TAFA1: variants seen among roughly 807,000 people sequenced by gnomAD.
The protein encoded by TAFA1 is chemokine-like protein TAFA-1.
A neutral mutation model predicts 18.5 loss-of-function variants in TAFA1; 4 were observed. The ratio of observed to expected loss-of-function variants is 0.22; its 90% CI spans 0.11 to 0.49. The LOEUF is 0.49. Ranked by LOEUF, TAFA1 falls within the 20% of genes least tolerant of loss-of-function variation. TAFA1 has a pLI of 0.98. For missense variants in TAFA1, 147 were observed against 169.0 expected, an observed-to-expected ratio of 0.87 and a Z score of 0.72; for synonymous variants, 56 against 55.2, an observed-to-expected ratio of 1.01 and a Z score of -0.06.
chr3:68,227,118 G>A (rs758267037), intron 2 of TAFA1, among the ~76,000 whole-genome samples: 3 of 151,868 alleles, frequency 2.0e-5, no homozygotes, highest in Non-Finnish European at 4.4e-5. Context: ...TTACTGGGGT[G>A]GATTCCTTAA....
intron 2 of TAFA1, among the ~76,000 whole-genome samples, chr3:68,227,856 T>C (rs2107108726): frequency 6.6e-6 from 1 of 152,276 alleles, no homozygotes; most frequent in Middle Eastern, 3.4e-3. Context: ...CTACATGTGC[T>C]CCATGGAGCA....
At chr3:68,076,090 T>C (rs2064819937) in intron 2 of TAFA1, among the ~76,000 whole-genome samples, 1 of 152,058 alleles carries the variant, frequency 6.6e-6, no homozygotes, top group African/African-American at 2.4e-5. Flanking sequence ...AGAAATGTGG[T>C]TTTTGTTGGG....
At chr3:68,288,060 G>A (rs1435110413) in intron 2 of TAFA1, among the ~76,000 whole-genome samples, 1 of 152,172 alleles carries the variant, frequency 6.6e-6, no homozygotes, top group South Asian at 2.1e-4. Flanking sequence ...CTTGGGTTCC[G>A]AAGCCTCCTT....
At chr3:68,480,048 G>A (rs1023985287) in intron 3 of TAFA1, among the ~76,000 whole-genome samples, 6 of 152,022 alleles carry the variant, frequency 3.9e-5, no homozygotes, top group Non-Finnish European at 5.9e-5. Context: ...CTCAAAGTGT[G>A]GTTCCATGCA....
At chr3:68,250,828 C>A (rs1377849097) in intron 2 of TAFA1, 1 of 150,674 alleles carries the variant, frequency 6.6e-6, no homozygotes, top group Admixed American at 6.6e-5. Context: ...TCCTGCAGGA[C>A]AAGGATCTAT....
intron 3 of TAFA1, among the ~76,000 whole-genome samples, chr3:68,474,441 C>G (rs1009992382): frequency 5.3e-5 from 8 of 152,134 alleles, no homozygotes; most frequent in African/African-American, 1.9e-4. Flanking sequence ...GCTCTACCAT[C>G]CATAGAAGCA....
intron 2 of TAFA1, among the ~76,000 whole-genome samples, chr3:68,082,371 A>T (rs1314924493): frequency 6.6e-6 from 1 of 151,908 alleles, no homozygotes; most frequent in East Asian, 1.9e-4. Flanking sequence ...TTTATTCCTC[A>T]TTTTTTTCCT....
chr3:68,265,864 G>C (rs928926899), intron 2 of TAFA1, among the ~76,000 whole-genome samples: 3 of 152,090 alleles, frequency 2.0e-5, no homozygotes, highest in African/African-American at 7.2e-5. Context: ...TCTTTCTCTG[G>C]GGCACTGCAC....
chr3:68,339,424 A>G (rs555373564), intron 2 of TAFA1, among the ~76,000 whole-genome samples: 1 of 152,358 alleles, frequency 6.6e-6, no homozygotes, highest in Admixed American at 6.5e-5. Flanking sequence ...TTATGGCAAT[A>G]TGGATAGTAA....
intron 2 of TAFA1, chr3:68,246,686 G>A (rs2067088383): frequency 6.8e-6 from 1 of 146,576 alleles, no homozygotes; most frequent in African/African-American, 2.5e-5. Flanking sequence ...ACGATACAGT[G>A]AAAGAACTCT....
chr3:68,002,262 C>A (rs1404504456), upstream of TAFA1, among the ~76,000 whole-genome samples: 1 of 152,210 alleles, frequency 6.6e-6, no homozygotes, highest in Non-Finnish European at 1.5e-5. Context: ...AATATTCTTG[C>A]TTCATTACAT....
At chr3:68,245,011 A>C (rs2067048353) in intron 2 of TAFA1, among the ~76,000 whole-genome samples, 1 of 152,188 alleles carries the variant, frequency 6.6e-6, no homozygotes, top group Non-Finnish European at 1.5e-5. Context: ...GCTCAGAATT[A>C]AGGCTTTTCA....
chr3:68,385,414 C>G (rs1180725455), intron 2 of TAFA1, among the ~76,000 whole-genome samples: 1 of 152,090 alleles, frequency 6.6e-6, no homozygotes, highest in Non-Finnish European at 1.5e-5. Context: ...GCTAAGAAAA[C>G]AAGACTTCAA....
intron 3 of TAFA1, among the ~76,000 whole-genome samples, chr3:68,445,833 A>T (rs2071466330): frequency 6.6e-6 from 1 of 152,126 alleles, no homozygotes; most frequent in Non-Finnish European, 1.5e-5. Flanking sequence ...CCTAAAGCAG[A>T]AGTTGGGAGA....
At chr3:68,095,311 T>C (rs2106805328) in intron 2 of TAFA1, among the ~76,000 whole-genome samples, 1 of 152,302 alleles carries the variant, frequency 6.6e-6, no homozygotes, top group South Asian at 2.1e-4. Flanking sequence ...TGGTGTCATT[T>C]TAAAAAACAG....
chr3:68,258,105 C>G (rs1369973104), intron 2 of TAFA1, among the ~76,000 whole-genome samples: 1 of 152,112 alleles, frequency 6.6e-6, no homozygotes, highest in Non-Finnish European at 1.5e-5. Flanking sequence ...AGTGAAAAAA[C>G]TGGTAAAATC....
intron 2 of TAFA1, among the ~76,000 whole-genome samples, chr3:68,075,317 C>T (rs2064809768): frequency 6.6e-6 from 1 of 152,132 alleles, no homozygotes; most frequent in African/African-American, 2.4e-5. Flanking sequence ...CTATTTGTGA[C>T]CTTCAATGAG....
chr3:68,219,094 C>A (rs2066699476), intron 2 of TAFA1, among the ~76,000 whole-genome samples: 1 of 151,384 alleles, frequency 6.6e-6, no homozygotes, highest in African/African-American at 2.4e-5. Flanking sequence ...TGCTTTTTAG[C>A]CTTTTAGGAT....
chr3:68,002,608 A>C (rs1704295849), upstream of TAFA1, among the ~76,000 whole-genome samples: 1 of 152,224 alleles, frequency 6.6e-6, no homozygotes, highest in South Asian at 2.1e-4. Flanking sequence ...CTCTAGAAAG[A>C]ATGAATAATC....
Sources: gnomAD v4.1 joint callset for allele counts (sites outside exome capture counted in the v4.1 genomes callset) on GRCh38, gnomAD v4.1.1 for gene constraint, MANE v1.5 for transcripts, NCBI Gene and HGNC (gene_info 2026-07-23, HGNC 2026-07-21) for gene names.